TNIP3: variants seen among roughly 807,000 people sequenced by gnomAD.
TNIP3 encodes the protein TNFAIP3 interacting protein 3, also known as TNFAIP3-interacting protein 3.
TNIP3 carries 34 observed loss-of-function variants against 54.1 expected under a neutral mutation model. The ratio of observed to expected loss-of-function variants is 0.63; its 90% CI spans 0.48 to 0.84. The LOEUF (loss-of-function observed/expected upper bound fraction) is 0.84. TNIP3 is among the 40% of genes least tolerant of loss of function. TNIP3 has a pLI of 0.00. For synonymous variants in TNIP3, 134 were observed against 136.8 expected (o/e 0.98, Z 0.14); for missense variants, 366 against 387.6 (o/e 0.94, Z 0.47).
chr4:121,151,248 T>G (rs1729732394), intron 5 of TNIP3, among the ~76,000 whole-genome samples: 2 of 152,208 alleles, frequency 1.3e-5, no homozygotes, highest in South Asian at 4.1e-4. Context: ...TAAGAATAAT[T>G]TGCTTCTGTA....
rs377067371 is a variant in TNIP3, at chr4:121,149,935, G to A, written c.609+168C>T. Reference sequence around the variant, plus strand: ...TGTTCTAAATGGTGGGACTGAACTAGCTGATCTGTATTCTTTCTATCAAGC... The same window carrying A: ...TGTTCTAAATGGTGGGACTGAACTAACTGATCTGTATTCTTTCTATCAAGC... On this transcript the variant is annotated intron_variant, in intron 6 of 10. Transcript: ENST00000057513. Among the ~76,000 whole-genome samples, 29 of 152,268 alleles carry A rather than the reference G, an allele frequency of 1.9e-4. No individual in the cohort carries two copies. The South Asian group carries it at 6.0e-3, about 32-fold the overall frequency.
intron 2 of TNIP3, among the ~76,000 whole-genome samples, chr4:121,212,411 T>C (rs893252732): frequency 6.6e-6 from 1 of 152,226 alleles, no homozygotes; most frequent in Non-Finnish European, 1.5e-5. Flanking sequence ...GAGAGACTGC[T>C]TTCTTAGTGT....
intron 6 of TNIP3, among the ~76,000 whole-genome samples, chr4:121,147,708 T>C (rs1021738726): frequency 5.9e-5 from 9 of 152,180 alleles, no homozygotes; most frequent in Admixed American, 5.9e-4. Context: ...GACTGGTATA[T>C]AAAGCTATGA....
At chr4:121,191,572 C>T (rs992367638) in intron 2 of TNIP3, among the ~76,000 whole-genome samples, 6 of 152,168 alleles carry the variant, frequency 3.9e-5, no homozygotes. Flanking sequence ...CCTGTGTCAA[C>T]TATAGTTGTC....
chr4:121,219,491 C>A (rs1158075111), upstream of TNIP3, among the ~76,000 whole-genome samples: 1 of 152,200 alleles, frequency 6.6e-6, no homozygotes, highest in Non-Finnish European at 1.5e-5. Context: ...CAGAAGTTTA[C>A]ACAATCCATA....
chr4:121,199,141 T>C (rs1239829496), intron 2 of TNIP3, among the ~76,000 whole-genome samples: 3 of 151,878 alleles, frequency 2.0e-5, no homozygotes, highest in African/African-American at 7.3e-5. Context: ...AGAGAGTGGA[T>C]AGATAATTCA....
rs151110537 is a variant in TNIP3 at position 121,148,317 on chromosome 4, C to T, written c.610-1143G>A. Among the ~76,000 whole-genome samples, 492 of 152,286 alleles carry T rather than the reference C, an allele frequency of 3.2e-3. 3 individuals carry two copies. The highest frequency in any genetic ancestry group is 0.011 in the African/African-American group (468 of 41,544). The stretch of plus-strand genomic sequence containing the variant: ...TTAAAATATTTATGGAGAAAGTCAG[C>T]AGTAGAGGCACTGCAAAACTACGGA... On this transcript the variant is annotated intron_variant, in intron 6 of 10. Transcript: ENST00000057513.
At chr4:121,147,846 C>T (rs1270404283) in intron 6 of TNIP3, among the ~76,000 whole-genome samples, 1 of 152,186 alleles carries the variant, frequency 6.6e-6, no homozygotes, top group Non-Finnish European at 1.5e-5. Context: ...ACTTTCATCA[C>T]TAACAGCCCA....
upstream of TNIP3, chr4:121,164,458 C>T: frequency 1.7e-6 from 1 of 573,714 alleles, no homozygotes; most frequent in East Asian, 1.0e-4. Flanking sequence ...AATCGTCATT[C>T]TTCCTTTACT....
intron 2 of TNIP3, among the ~76,000 whole-genome samples, chr4:121,198,301 G>A (rs1394251680): frequency 6.6e-6 from 1 of 152,162 alleles, no homozygotes; most frequent in Non-Finnish European, 1.5e-5. Flanking sequence ...GACCTTCATT[G>A]TAAAGAATTG....
intron 9 of TNIP3, among the ~76,000 whole-genome samples, chr4:121,139,888 C>A (rs1729012474): frequency 2.6e-5 from 4 of 152,186 alleles, no homozygotes; most frequent in Admixed American, 2.6e-4. Context: ...AGGTAAATAT[C>A]CTGTAATGTT....
chr4:121,184,699 A>G (rs190301175), intron 2 of TNIP3, among the ~76,000 whole-genome samples: 4 of 152,282 alleles, frequency 2.6e-5, no homozygotes, highest in East Asian at 3.9e-4. Context: ...AAAAATCCCT[A>G]TATATGCACC....
chr4:121,161,379 T>C (rs767906448), intron 1 of TNIP3, among the ~76,000 whole-genome samples, 163 bp from the exon 2 acceptor site: 6 of 152,210 alleles, frequency 3.9e-5, no homozygotes, highest in African/African-American at 1.4e-4. Context: ...TCCTTCATCA[T>C]GGCTGGTGGA....
At chr4:121,177,118 T>C (rs1724403795) in intron 3 of TNIP3, among the ~76,000 whole-genome samples, 1 of 152,204 alleles carries the variant, frequency 6.6e-6, no homozygotes, top group Non-Finnish European at 1.5e-5. Context: ...ATCCAAGAAA[T>C]ACATTTCAAG....
upstream of TNIP3, among the ~76,000 whole-genome samples, chr4:121,219,711 A>G (rs1003578520): frequency 8.5e-5 from 13 of 152,184 alleles, no homozygotes; most frequent in African/African-American, 2.9e-4. Flanking sequence ...AAAATTACCA[A>G]CGAATTCTTA....
At chr4:121,146,536 T>C (rs901585743) in intron 7 of TNIP3, among the ~76,000 whole-genome samples, 1 of 152,194 alleles carries the variant, frequency 6.6e-6, no homozygotes, top group Admixed American at 6.5e-5. Flanking sequence ...ATTTAATATA[T>C]TCTATTTTAA....
chr4:121,216,410 A>C, intron 2 of TNIP3: 1 of 1,534,294 alleles, frequency 6.5e-7, no homozygotes, highest in Non-Finnish European at 8.7e-7. Flanking sequence ...ATAAACTGTT[A>C]TTACCTTTCA....
At chr4:121,212,720 T>A (rs550138998) in intron 2 of TNIP3, among the ~76,000 whole-genome samples, 1 of 152,346 alleles carries the variant, frequency 6.6e-6, no homozygotes, top group South Asian at 2.1e-4. Context: ...TTTTCAGGGA[T>A]GTCTGTCTTT....
chr4:121,156,844 G>A (rs1435576058), intron 4 of TNIP3, among the ~76,000 whole-genome samples: 1 of 152,146 alleles, frequency 6.6e-6, no homozygotes, highest in Non-Finnish European at 1.5e-5. Context: ...GGAAGGGACT[G>A]GGGAATGACT....
Sources: gnomAD v4.1 joint callset for allele counts (sites outside exome capture counted in the v4.1 genomes callset) on GRCh38, gnomAD v4.1.1 for gene constraint, MANE v1.5 for transcripts, NCBI Gene and HGNC (gene_info 2026-07-23, HGNC 2026-07-21) for gene names.